The following DNAI3 variants were observed in gnomAD, a reference collection of about 807,000 sequenced individuals.
DNAI3 encodes WD repeat domain 63.
In DNAI3, 83 loss-of-function variants were observed where a neutral mutation model predicts 115.5. The observed-to-expected ratio is 0.72, with a 90% CI of 0.60 to 0.86. The LOEUF is 0.86. DNAI3 is among the 40% of genes least tolerant of loss of function. The pLI, the probability that DNAI3 is intolerant of heterozygous loss-of-function variation, is 0.00. For missense variants in DNAI3, 1,004 were observed against 1,075.8 expected, an observed-to-expected ratio of 0.93 and a Z score of 0.93; for synonymous variants, 320 against 347.0, an observed-to-expected ratio of 0.92 and a Z score of 0.86.
chr1:85,087,604 T>TA (rs1373325008), intron 7 of DNAI3, among the ~76,000 whole-genome samples: 1 of 152,112 alleles, frequency 6.6e-6, no homozygotes, highest in Admixed American at 6.6e-5. Flanking sequence ...CTCTATGAGA[T>TA]AAAAACTTTG....
intron 7 of DNAI3, among the ~76,000 whole-genome samples, chr1:85,089,195 T>A (rs1654889024): frequency 6.6e-6 from 1 of 152,036 alleles, no homozygotes; most frequent in Non-Finnish European, 1.5e-5. Context: ...AATGACACTA[T>A]GAACTAGCTA....
At chr1:85,072,825 G>T (rs976133195) in intron 2 of DNAI3, among the ~76,000 whole-genome samples, 1 of 148,756 alleles carries the variant, frequency 6.7e-6, no homozygotes, top group African/African-American at 2.5e-5. Flanking sequence ...TGTGGTGGCG[G>T]GCGCCTCTAG....
intron 14 of DNAI3, among the ~76,000 whole-genome samples, chr1:85,105,585 A>G (rs1350820721): frequency 1.3e-5 from 2 of 151,984 alleles, no homozygotes; most frequent in African/African-American, 4.8e-5. Context: ...GAGGCTCTGA[A>G]GGCAAATTCA....
At chr1:85,121,098 G>A (rs1460167715) in intron 17 of DNAI3, among the ~76,000 whole-genome samples, 1 of 152,134 alleles carries the variant, frequency 6.6e-6, no homozygotes, top group Non-Finnish European at 1.5e-5. Flanking sequence ...CAATGACAGC[G>A]AGGGACTAAT....
Position 85,073,035 on chromosome 1 carries a change from TCC to T in DNAI3, c.65-18_65-17del, listed in dbSNP as rs1557706474. The T allele has an allele frequency of 2.7e-6, 4 of 1,479,838 alleles. No individual in the cohort carries two copies. In the African/African-American group the frequency reaches 4.3e-5, roughly 16 times the overall value. 91.7% of individuals were successfully genotyped at this position (1,479,838 alleles called of 1,614,324 possible). On this transcript the variant is annotated splice_polypyrimidine_tract_variant and intron_variant, in intron 2 of 22. Coordinates refer to ENST00000294664, the MANE Select transcript of DNAI3 (RefSeq NM_145172.5). ...TTGATTCAAAAATGTAAATTTGACTTCCTTTTATTATATTCTAGCTAGTGAAG... is the reference window on the plus strand; with the variant it reads ...TTGATTCAAAAATGTAAATTTGACTTTTTTATTATATTCTAGCTAGTGAAG...
At chr1:85,131,762 T>C (rs939020704) in intron 22 of DNAI3, among the ~76,000 whole-genome samples, 1 of 152,230 alleles carries the variant, frequency 6.6e-6, no homozygotes, top group Admixed American at 6.5e-5. Context: ...ACGATTATTA[T>C]GAGTGTTTAA....
Position 85,124,111 on chromosome 1 carries a change from A to G in DNAI3, c.1982-10A>G. 2 of 1,613,852 alleles carry G rather than the reference A, an allele frequency of 1.2e-6. No individual in the cohort carries two copies. The highest frequency in any genetic ancestry group is 1.7e-6 in the Non-Finnish European group (2 of 1,179,960). ...ATTAAAGATGAGATGGTCTTCTTTC[A>G]CTCCAATAGCAAAGAAGCCAGTGAG... On this transcript the variant is annotated splice_polypyrimidine_tract_variant and intron_variant, in intron 18 of 22. Coordinates refer to ENST00000294664, the MANE Select transcript of DNAI3 (RefSeq NM_145172.5).
At chr1:85,097,304 A>C (rs1007746302) in intron 11 of DNAI3, among the ~76,000 whole-genome samples, 1 of 152,218 alleles carries the variant, frequency 6.6e-6, no homozygotes, top group African/African-American at 2.4e-5. Context: ...AGGGAATTGC[A>C]TGACATTTAT....
chr1:85,118,539 C>T (rs2100608524), intron 17 of DNAI3, among the ~76,000 whole-genome samples: 1 of 152,204 alleles, frequency 6.6e-6, no homozygotes, highest in African/African-American at 2.4e-5. Flanking sequence ...GTATTTTTCC[C>T]AGGCCAAGTC....
intron 3 of DNAI3, among the ~76,000 whole-genome samples, chr1:85,074,225 G>C (rs183477949): frequency 1.3e-5 from 2 of 152,070 alleles, no homozygotes; most frequent in Admixed American, 1.3e-4. Context: ...AGTTCCCAAG[G>C]CTCCTATTTG....
chr1:85,129,110 T>C (rs1350321306), intron 21 of DNAI3, among the ~76,000 whole-genome samples: 1 of 152,136 alleles, frequency 6.6e-6, no homozygotes, highest in Non-Finnish European at 1.5e-5. Flanking sequence ...CTGATTTCAG[T>C]GATACCCTTC....
chr1:85,068,894 T>C (rs1449035008), intron 1 of DNAI3, among the ~76,000 whole-genome samples: 2 of 152,182 alleles, frequency 1.3e-5, no homozygotes, highest in Non-Finnish European at 2.9e-5. Flanking sequence ...TAGGAAGCAT[T>C]ATGTAGTTCC....
intron 13 of DNAI3, 124 bp downstream of exon 13, chr1:85,098,782 C>A (rs1297119192): frequency 2.8e-5 from 39 of 1,414,464 alleles, no homozygotes; most frequent in Admixed American, 8.7e-5. Flanking sequence ...AGGAACTAAG[C>A]ATCAAAAAAT....
chr1:85,129,938 G>A, intron 21 of DNAI3, 52 bp from the exon 22 acceptor site: 1 of 1,582,486 alleles, frequency 6.3e-7, no homozygotes, highest in Non-Finnish European at 8.6e-7. Context: ...CCTTGTAAAG[G>A]TCATGGGGGC....
At chr1:85,110,212 G>A (rs562649203) in intron 16 of DNAI3, 77 bp downstream of exon 16, 54 of 1,319,510 alleles carry the variant, frequency 4.1e-5, no homozygotes, top group East Asian at 2.6e-4. Flanking sequence ...AGCACTTCGG[G>A]AGGCTGAGGC....
At chr1:85,078,208 TC>T (rs140504615) in intron 3 of DNAI3, among the ~76,000 whole-genome samples, 6 of 152,334 alleles carry the variant, frequency 3.9e-5, no homozygotes, top group Non-Finnish European at 8.8e-5. Context: ...TTGGTTTTGA[TC>T]CCAGTACCAC....
In DNAI3 at chr1:85,072,889, T is replaced by A. The variant is rs113272036; in HGVS notation, c.65-165T>A. Among the ~76,000 whole-genome samples the A allele has an allele frequency of 9.8e-3, 1,345 of 136,820 alleles. 24 individuals are homozygous for A. Among genetic ancestry groups the A allele is most frequent in the African/African-American group, 0.035 (1,251 of 36,044 alleles). The allele number at this position is 136,820 out of a possible 152,430, so 89.8% of individuals were successfully genotyped here. On this transcript the variant is annotated intron_variant, in intron 2 of 22. Transcript: ENST00000294664. ...AGAATGGCGTGAACCCAGGATGTGG[T>A]GCTTGCAGTGAGCTGAGATAGCGCC...
intron 8 of DNAI3, 149 bp downstream of exon 8, chr1:85,090,381 A>C: frequency 3.3e-5 from 15 of 452,786 alleles, no homozygotes; most frequent in East Asian, 7.2e-5. Context: ...ACAGATTCTC[A>C]ATATTTATTT....
intron 17 of DNAI3, among the ~76,000 whole-genome samples, chr1:85,119,720 T>C (rs1374475956): frequency 2.6e-5 from 4 of 151,852 alleles, no homozygotes; most frequent in Non-Finnish European, 5.9e-5. Flanking sequence ...TTTTTTGAGA[T>C]GGAATCTCAT....
Sources: gnomAD v4.1 joint callset for allele counts (sites outside exome capture counted in the v4.1 genomes callset) on GRCh38, gnomAD v4.1.1 for gene constraint, MANE v1.5 for transcripts, NCBI Gene and HGNC (gene_info 2026-07-23, HGNC 2026-07-21) for gene names.